The following RTN4IP1 variants were observed in gnomAD, a reference collection of about 807,000 sequenced individuals.
RTN4IP1 encodes the protein reticulon 4 interacting protein 1.
A neutral mutation model predicts 46.6 loss-of-function variants in RTN4IP1; 32 were observed. The ratio of observed to expected loss-of-function variants is 0.69; its 90% CI spans 0.52 to 0.92. The LOEUF (loss-of-function observed/expected upper bound fraction) is 0.92, where lower values mean the gene tolerates loss of function less well. Among genes scored for constraint, RTN4IP1 ranks in the 40% least tolerant of loss-of-function variants. The pLI is 0.00. For synonymous variants in RTN4IP1, 167 were observed against 161.8 expected, an observed-to-expected ratio of 1.03 and a Z score of -0.24; for missense variants, 424 against 485.8, an observed-to-expected ratio of 0.87 and a Z score of 1.20.
intron 8 of RTN4IP1, among the ~76,000 whole-genome samples, chr6:106,577,809 G>A (rs981972958): frequency 3.3e-5 from 5 of 152,150 alleles, no homozygotes; most frequent in Admixed American, 6.5e-5. Flanking sequence ...TTGGAGTGAT[G>A]TAGCCACAAG....
chr6:106,583,352 A>G lies in RTN4IP1; in HGVS notation c.1059T>C (p.Ile353=). The G allele has an allele frequency of 6.2e-7, 1 of 1,613,772 alleles. No individual in the cohort carries two copies. The highest frequency in any genetic ancestry group is 8.5e-7 in the Non-Finnish European group (1 of 1,179,762). ...FMASGPCLDD[I]AELVDAGKIR... is the part of the protein sequence containing the mutation. ...CCTTTCCCGCATCCACCAGTTCTGC[A>G]ATGTCATCTAAACATGGGCCACTGG... Residue 353 remains isoleucine (I), a synonymous_variant, in exon 8 of 9, where the codon ATT becomes ATC. Coordinates refer to ENST00000369063, the MANE Select transcript of RTN4IP1 (RefSeq NM_032730.5).
intron 8 of RTN4IP1, 164 bp from the exon 9 acceptor site, chr6:106,572,267 T>C (rs1054014651): frequency 9.5e-5 from 58 of 609,612 alleles, no homozygotes; most frequent in Non-Finnish European, 2.0e-5. Flanking sequence ...TGATGCTGCC[T>C]CCACTCCTGC....
intron 4 of RTN4IP1, among the ~76,000 whole-genome samples, chr6:106,614,121 C>G (rs1221118419): frequency 6.6e-6 from 1 of 152,210 alleles, no homozygotes. Flanking sequence ...CCAAAATAAA[C>G]TTTCTAAATT....
intron 4 of RTN4IP1, among the ~76,000 whole-genome samples, chr6:106,613,125 A>G (rs1776270632): frequency 6.6e-6 from 1 of 152,056 alleles, no homozygotes; most frequent in South Asian, 2.1e-4. Context: ...ACTCTTACTC[A>G]TCAGTCTTGC....
intron 8 of RTN4IP1, among the ~76,000 whole-genome samples, chr6:106,575,115 G>C (rs1165777070): frequency 6.6e-6 from 1 of 152,172 alleles, no homozygotes; most frequent in African/African-American, 2.4e-5. Flanking sequence ...AGGACAAAGG[G>C]ATCAGAGTTA....
At chr6:106,585,562 G>A (rs901193629) in intron 7 of RTN4IP1, among the ~76,000 whole-genome samples, 1 of 152,190 alleles carries the variant, frequency 6.6e-6, no homozygotes, top group East Asian at 1.9e-4. Context: ...GCTCTGTAAA[G>A]TGAAACTTTT....
intron 5 of RTN4IP1, among the ~76,000 whole-genome samples, chr6:106,599,257 AAATAT>A (rs1173821582): frequency 9.2e-5 from 14 of 151,966 alleles, no homozygotes; most frequent in African/African-American, 2.4e-4. Context: ...TTTTGTTGTA[AAATAT>A]AATACAAATA....
rs781259084 is a variant in RTN4IP1 at position 106,621,502 on chromosome 6, C to G, written c.427-9G>C. The G allele has an allele frequency of 1.2e-6, 2 of 1,612,430 alleles. No homozygotes were observed. Among genetic ancestry groups the G allele is most frequent in the Admixed American group, 1.7e-5 (1 of 59,996 alleles). ...GGAACTGCAGCCCAGACCTGAAACA[C>G]ACACAGACAGACAGCTTCATTAGAA... On this transcript the variant is annotated splice_polypyrimidine_tract_variant and intron_variant, in intron 2 of 8. Coordinates refer to ENST00000369063, the MANE Select transcript of RTN4IP1 (RefSeq NM_032730.5).
intron 1 of RTN4IP1, among the ~76,000 whole-genome samples, chr6:106,627,592 C>T (rs1197189719): frequency 1.3e-5 from 2 of 151,826 alleles, no homozygotes; most frequent in Non-Finnish European, 2.9e-5. Flanking sequence ...CACTAAAAGA[C>T]ATATCTTATA....
At position 106,619,298 on chromosome 6, in the gene RTN4IP1, T is replaced by G. The variant is rs371509205; in HGVS notation, c.524A>C (p.His175Pro). 3 of 1,614,054 alleles carry G rather than the reference T, an allele frequency of 1.9e-6. No individual in the cohort carries two copies. In the African/African-American group the frequency reaches 4.0e-5, roughly 22 times the overall value. The change falls in exon 4 of 9, where the codon CAT becomes CCT. Residue 175 changes from histidine to proline, a missense_variant. Coordinates refer to ENST00000369063, the MANE Select transcript of RTN4IP1 (RefSeq NM_032730.5). ...ATATGGCAAAGAGGCAGCTTGAGTA[T>G]GAGTGAGTGATTTGGGTTTGTGAGA... is the stretch of plus-strand genomic sequence containing the variant. ...EVSHKPKSLT[H>P]TQAASLPYVA...
intron 7 of RTN4IP1, among the ~76,000 whole-genome samples, chr6:106,586,201 C>A (rs1433309433): frequency 6.6e-6 from 1 of 152,060 alleles, no homozygotes; most frequent in African/African-American, 2.4e-5. Flanking sequence ...TAAAAGGTCC[C>A]AAATTAATAT....
intron 6 of RTN4IP1, among the ~76,000 whole-genome samples, chr6:106,590,929 C>T (rs1390966967): frequency 6.6e-6 from 1 of 152,090 alleles, no homozygotes; most frequent in African/African-American, 2.4e-5. Context: ...CTTTAGGTTG[C>T]TGTTCTTTCC....
chr6:106,587,277 C>T (rs980163107), intron 7 of RTN4IP1, among the ~76,000 whole-genome samples: 1 of 152,068 alleles, frequency 6.6e-6, no homozygotes, highest in Non-Finnish European at 1.5e-5. Context: ...CAGGTAGAGA[C>T]AAGAAGGAAG....
intron 4 of RTN4IP1, among the ~76,000 whole-genome samples, chr6:106,608,862 C>A (rs1160085558): frequency 1.3e-5 from 2 of 152,212 alleles, no homozygotes; most frequent in Non-Finnish European, 2.9e-5. Flanking sequence ...TTACTTTTGT[C>A]CATTCTTATA....
chr6:106,576,629 C>A (rs1732248097), intron 8 of RTN4IP1, among the ~76,000 whole-genome samples: 1 of 152,204 alleles, frequency 6.6e-6, no homozygotes, highest in South Asian at 2.1e-4. Context: ...TGGGAAATCA[C>A]CTACCTCAGA....
rs1258611526 is a variant in RTN4IP1 at position 106,622,901 on chromosome 6, A to G, written c.343T>C (p.Phe115Leu). Residue 115 changes from phenylalanine to leucine, a missense_variant, in exon 2 of 9, where the codon TTT becomes CTT. Physicochemically the swap from Phe to Leu is conservative, Grantham distance 22. Coordinates refer to ENST00000369063, the MANE Select transcript of RTN4IP1 (RefSeq NM_032730.5). ...ACATCCCGACCCAGAGTCAGAGGAA[A>G]TTCTTCTCCTTTGATTTTCACGTGT... ...PLHVKIKGEEFPLTLGRDVSG... is the reference protein window; with the variant it reads ...PLHVKIKGEELPLTLGRDVSG... 3.1e-6 allele frequency: 5 copies of G among 1,614,066 alleles called. No homozygotes were observed. The highest frequency in any genetic ancestry group is 4.2e-6 in the Non-Finnish European group (5 of 1,180,052).
chr6:106,621,449 C>T lies in RTN4IP1; in HGVS notation c.471G>A (p.Glu157=). Residue 157 remains glutamate, a synonymous_variant, in exon 3 of 9, where the codon GAG becomes GAA. Transcript: ENST00000369063. ...CCTCATTCCCACTGACTACAACAAA[C>T]TCTGAAAGAGTGCCTTGTTTCCAAG... is the stretch of plus-strand genomic sequence containing the variant. ...VPPWKQGTLS[E]FVVVSGNEVS... The T allele has an allele frequency of 6.2e-7, 1 of 1,614,002 alleles. No individual in the cohort carries two copies.
At chr6:106,611,656 T>TAGG (rs1177158174) in intron 4 of RTN4IP1, among the ~76,000 whole-genome samples, 3 of 152,198 alleles carry the variant, frequency 2.0e-5, no homozygotes, top group African/African-American at 7.2e-5. Flanking sequence ...TTTATTGTCT[T>TAGG]AAAGTGAGTG....
chr6:106,629,859 T>G (rs1484765832), upstream of RTN4IP1, among the ~76,000 whole-genome samples: 1 of 152,208 alleles, frequency 6.6e-6, no homozygotes. Context: ...ATTCTTCGGG[T>G]GTACTCGCCG....
Sources: allele counts gnomAD v4.1 joint callset (sites outside exome capture counted in the v4.1 genomes callset), GRCh38; gene constraint gnomAD v4.1.1; transcripts MANE v1.5; gene names NCBI Gene and HGNC (gene_info 2026-07-23, HGNC 2026-07-21).